TONSL: variants seen among roughly 807,000 people sequenced by gnomAD.
TONSL encodes tonsoku like, DNA repair protein.
A neutral mutation model predicts 147.1 loss-of-function variants in TONSL; 112 were observed. That is an observed-to-expected ratio of 0.76 (90% CI 0.65 to 0.89). TONSL has a LOEUF of 0.89. Among genes scored for constraint, TONSL ranks in the 40% least tolerant of loss-of-function variants. TONSL has a pLI of 0.00. For missense variants in TONSL, 1,883 were observed against 1,864.6 expected, an observed-to-expected ratio of 1.01 and a Z score of -0.18; for synonymous variants, 868 against 801.5, an observed-to-expected ratio of 1.08 and a Z score of -1.40.
chr8:144,431,885 A>G (rs1823214949), intron 23 of TONSL, among the ~76,000 whole-genome samples: 2 of 140,932 alleles, frequency 1.4e-5, no homozygotes, highest in Admixed American at 7.3e-5. Flanking sequence ...GCTGGGTGCA[A>G]TGGTGCAATC....
In TONSL at chr8:144,428,784, T is replaced by C. The variant is rs923651613; in HGVS notation, c.*359A>G. On this transcript the variant is annotated 3_prime_UTR_variant, in exon 26 of 26. Transcript: ENST00000409379. ...CACGGGGAGGGAGGCAGCAGCTTCA[T>C]TTATTTTATTTTTTTTTTTTTTTGA... 9.3e-5 allele frequency: 12 copies of C among 129,274 alleles called. No homozygotes were observed. The highest frequency in any genetic ancestry group is 1.8e-4 in the Non-Finnish European group (11 of 62,782). The allele number at this position is 129,274 out of a possible 1,614,324, so 8.0% of individuals were successfully genotyped here. A position where few individuals can be genotyped will look rare whatever the true frequency, so the allele number is the denominator to read the frequency against.
chr8:144,439,341 T>C (rs1823611810), intron 11 of TONSL, among the ~76,000 whole-genome samples: 1 of 152,052 alleles, frequency 6.6e-6, no homozygotes, highest in South Asian at 2.1e-4. Flanking sequence ...AAATTCTAGA[T>C]CCTGATCCAC....
In TONSL at chr8:144,443,936, G is replaced by A; in HGVS notation, c.210C>T (p.His70=). The A allele has an allele frequency of 6.5e-7, 1 of 1,544,454 alleles. No individual in the cohort carries two copies. The change falls in exon 3 of 26, where the codon CAC becomes CAT. Residue 70 remains histidine, a synonymous_variant. Coordinates refer to ENST00000409379, the MANE Select transcript of TONSL (RefSeq NM_013432.5). The part of the protein sequence containing the change: ...ADDPLGCAVA[H]RKIGERLAEM... ...CGGCCAGGCGCTCTCCGATCTTGCG[G>A]TGGGCCACGGCACAGCCCAGAGGGT...
In TONSL at chr8:144,433,770, C is replaced by A; in HGVS notation, c.3388-11G>T. ...CAGCTCCTCCAAACTCTGTGGAAGA[C>A]ACAGGCTGGCAGTGAGCCCCCAGCA... On this transcript the variant is annotated splice_polypyrimidine_tract_variant and intron_variant, in intron 21 of 25. Coordinates refer to ENST00000409379, the MANE Select transcript of TONSL (RefSeq NM_013432.5). 3.9e-6 allele frequency: 6 copies of A among 1,556,598 alleles called. No homozygotes were observed. The highest frequency in any genetic ancestry group is 5.2e-6 in the Non-Finnish European group (6 of 1,152,146).
At chr8:144,434,916 G>A in intron 19 of TONSL, 27 bp from the exon 20 acceptor site, 1 of 1,612,744 alleles carries the variant, frequency 6.2e-7, no homozygotes, top group Non-Finnish European at 8.5e-7. Flanking sequence ...TGAGCCACCT[G>A]GGGGCTCCCC....
rs782312870 is a variant in TONSL, at chr8:144,431,157, C to T, written c.3736-6G>A. 2 of 1,614,010 alleles carry T rather than the reference C, an allele frequency of 1.2e-6. No homozygotes were observed. The highest frequency in any genetic ancestry group is 2.2e-5 in the East Asian group (1 of 44,880). ...TGGGCTAGAGCACAGCCTTCCTGGA[C>T]ATGAGCAGAGGCCCAAGGGGGCCAA... On this transcript the variant is annotated splice_region_variant and splice_polypyrimidine_tract_variant and intron_variant, in intron 23 of 25. Transcript: ENST00000409379.
In TONSL at chr8:144,443,216, A is replaced by G; in HGVS notation, c.370T>C (p.Cys124Arg). The G allele has an allele frequency of 6.4e-7, 1 of 1,550,816 alleles. No homozygotes were observed. The highest frequency in any genetic ancestry group is 8.7e-7 in the Non-Finnish European group (1 of 1,146,964). Residue 124 changes from cysteine (C) to arginine (R), a missense_variant, in exon 4 of 26, where the codon TGC (cysteine) becomes CGC (arginine). Cys to Arg is a radical substitution (Grantham distance 180). Transcript: ENST00000409379. Reference protein sequence around the residue: ...GRTHLDIYDHCQSRDALLQAQ... With the variant: ...GRTHLDIYDHRQSRDALLQAQ... ...TGCAGCAAAGCATCCCTCGACTGGCAGTGGTCATAGATGTCCAGGTGGGTG... is the reference window on the plus strand; with the variant it reads ...TGCAGCAAAGCATCCCTCGACTGGCGGTGGTCATAGATGTCCAGGTGGGTG...
intron 20 of TONSL, 120 bp downstream of exon 20, chr8:144,434,690 AG>A: frequency 4.6e-6 from 5 of 1,076,520 alleles, no homozygotes; most frequent in East Asian, 5.2e-5. Context: ...AGCACCCACC[AG>A]GCTGGGGGAG....
rs13273684 is a variant in TONSL at position 144,428,915 on chromosome 8, G to A, written c.*228C>T. ...CGCCATTCTCCTGCCTCAGCCTCCGGAGTAGCTGGGACTACAGGCTTCCAC... is the reference window on the plus strand; with the variant it reads ...CGCCATTCTCCTGCCTCAGCCTCCGAAGTAGCTGGGACTACAGGCTTCCAC... On this transcript the variant is annotated 3_prime_UTR_variant, in exon 26 of 26. Transcript: ENST00000409379. 0.48 allele frequency: 202,253 copies of A among 421,928 alleles called. 50,673 individuals carry two copies. The highest frequency in any genetic ancestry group is 0.59 in the Middle Eastern group (923 of 1,566). 26.1% of individuals were successfully genotyped at this position (421,928 alleles called of 1,614,324 possible).
Position 144,433,743 on chromosome 8 carries a change from T to G in TONSL, c.3404A>C (p.Asp1135Ala). 6.3e-7 allele frequency: 1 copy of G among 1,585,844 alleles called. No homozygotes were observed. Among genetic ancestry groups the G allele is most frequent in the Non-Finnish European group, 8.6e-7 (1 of 1,167,140 alleles). ...GTCCCCCAGGGGGTTCATGCTTAAG[T>G]CCAGCTCCTCCAAACTCTGTGGAAG... ...QATLQSLEEL[D>A]LSMNPLGDGC... The change falls in exon 22 of 26, where the codon GAC (aspartate) becomes GCC (alanine). Residue 1135 changes from aspartate to alanine, a missense_variant. Asp to Ala is a moderately radical substitution (Grantham distance 126). Coordinates refer to ENST00000409379, the MANE Select transcript of TONSL (RefSeq NM_013432.5).
Position 144,434,121 on chromosome 8 carries a change from G to A in TONSL, c.3244C>T (p.Leu1082=), listed in dbSNP as rs1239372254. ...LRELRLAGNR[L]GDKCVAELVA... is the part of the protein sequence containing the mutation. The stretch of plus-strand genomic sequence containing the variant: ...AGCTCAGCCACACACTTGTCCCCCA[G>A]CCGGTTCCCTGCCAGGCGCAGCTCC... Residue 1082 remains leucine, a synonymous_variant, in exon 21 of 26, where the codon CTG becomes TTG. Transcript: ENST00000409379. The A allele has an allele frequency of 6.2e-7, 1 of 1,612,060 alleles. No homozygotes were observed. The highest frequency in any genetic ancestry group is 2.2e-5 in the East Asian group (1 of 44,866).
rs201262740 is a variant in TONSL at position 144,440,127 on chromosome 8, C to T, written c.1374G>A (p.Glu458=). The T allele has an allele frequency of 2.5e-6, 4 of 1,612,192 alleles. No homozygotes were observed. The highest frequency in any genetic ancestry group is 3.4e-6 in the Non-Finnish European group (4 of 1,179,746). Residue 458 remains glutamate, a synonymous_variant, in exon 11 of 26, where the codon GAG becomes GAA. Coordinates refer to ENST00000409379, the MANE Select transcript of TONSL (RefSeq NM_013432.5). ...CATCTTCATCTTCAGCTACACTGAG[C>T]TCCCGTAGTCTGGTTTCGGTCTCAG... ...EAPETETRLR[E]LSVAEDEDEE...
Position 144,435,794 on chromosome 8 carries a change from C to T in TONSL, c.2639G>A (p.Arg880His), listed in dbSNP as rs759080038. The T allele has an allele frequency of 8.1e-6, 13 of 1,612,724 alleles. No homozygotes were observed. Among genetic ancestry groups the T allele is most frequent in the East Asian group, 6.7e-5 (3 of 44,888 alleles). Residue 880 changes from arginine to histidine, a missense_variant, in exon 17 of 26, where the codon CGC (arginine) becomes CAC (histidine). Arg to His is a conservative substitution (Grantham distance 29). Coordinates refer to ENST00000409379, the MANE Select transcript of TONSL (RefSeq NM_013432.5). ...ACTGCAACTCTGCATGCAGGTCAGG[C>T]GGACCTGCTTGGCTCGGGCACGGGG... ...SRPRARAKQV[R>H]LTCMQSCSAP...
chr8:144,441,308 C>T (rs553460324), intron 7 of TONSL, 197 bp from the exon 8 acceptor site: 16 of 767,914 alleles, frequency 2.1e-5, no homozygotes, highest in African/African-American at 3.5e-5. Context: ...CTTAAAAACT[C>T]GGGGCCAGGT....
rs139159346 is a variant in TONSL at position 144,436,682 on chromosome 8, C to G, written c.1891-1G>C. The G allele has an allele frequency of 5.9e-5, 95 of 1,611,922 alleles. No individual in the cohort carries two copies. Among genetic ancestry groups the G allele is most frequent in the Non-Finnish European group, 7.8e-5 (92 of 1,179,936 alleles). On this transcript the variant is annotated splice_acceptor_variant, in intron 15 of 25. Transcript: ENST00000409379. LOFTEE classifies it high-confidence loss of function. ...GCAGCGTCTCCAGCGGGCTGAGGCC[C>G]TGTGTGGCATCAGTTGAGCAGGGGC...
At chr8:144,441,510 T>G (rs1008439451) in intron 7 of TONSL, 1 of 205,878 alleles carries the variant, frequency 4.9e-6, no homozygotes, top group East Asian at 1.3e-4. Context: ...GAGAATGGCA[T>G]GAACCCGGGA....
At chr8:144,443,348 T>C (rs1252859831) in intron 3 of TONSL, 27 bp from the exon 4 acceptor site, 1 of 1,537,926 alleles carries the variant, frequency 6.5e-7, no homozygotes, top group East Asian at 2.5e-5. Flanking sequence ...GTCACTGCTG[T>C]GAGCCGACTC....
rs771939968 is a variant in TONSL, at chr8:144,440,344, CT to C, written c.1290+6del. The C allele has an allele frequency of 5.1e-6, 8 of 1,580,738 alleles. No homozygotes were observed. Among genetic ancestry groups the C allele is most frequent in the Non-Finnish European group, 4.3e-6 (5 of 1,159,336 alleles). On this transcript the variant is annotated splice_donor_region_variant and intron_variant, in intron 10 of 25. Coordinates refer to ENST00000409379, the MANE Select transcript of TONSL (RefSeq NM_013432.5). ...GGAGCCAGTATGGGTGGGATGGGCT[CT>C]CGCACCTGCAGCTGGGGACGCTGGG... is the stretch of plus-strand genomic sequence containing the variant.
chr8:144,431,457 G>A (rs1554878646), intron 23 of TONSL, among the ~76,000 whole-genome samples: 1 of 152,214 alleles, frequency 6.6e-6, no homozygotes, highest in East Asian at 1.9e-4. Context: ...CTGGTGGGCA[G>A]GAATTCACAG....
Sources: allele counts gnomAD v4.1 joint callset (sites outside exome capture counted in the v4.1 genomes callset), GRCh38; gene constraint gnomAD v4.1.1; transcripts MANE v1.5; gene names NCBI Gene and HGNC (gene_info 2026-07-23, HGNC 2026-07-21).